CNTNAP2: variants seen among roughly 807,000 people sequenced by gnomAD.
CNTNAP2 encodes the protein contactin associated protein 2.
A neutral mutation model predicts 155.2 loss-of-function variants in CNTNAP2; 98 were observed. The ratio of observed to expected loss-of-function variants is 0.63; its 90% CI spans 0.54 to 0.75. The LOEUF (loss-of-function observed/expected upper bound fraction) is 0.75, where lower values mean the gene tolerates loss of function less well. Ranked by LOEUF, CNTNAP2 falls within the 30% of genes least tolerant of loss-of-function variation. CNTNAP2 has a pLI of 0.00. For synonymous variants in CNTNAP2, 651 were observed against 631.2 expected (o/e 1.03, Z -0.47); for missense variants, 1,727 against 1,688.1 (o/e 1.02, Z -0.40).
chr7:146,502,996 G>C (rs764167067), intron 1 of CNTNAP2, among the ~76,000 whole-genome samples: 1 of 152,264 alleles, frequency 6.6e-6, no homozygotes, highest in East Asian at 1.9e-4. Flanking sequence ...CTATTTGTAT[G>C]TCTTCTTTTG....
At chr7:148,155,463 G>A (rs540561569) in intron 17 of CNTNAP2, among the ~76,000 whole-genome samples, 5 of 152,082 alleles carry the variant, frequency 3.3e-5, no homozygotes, top group Admixed American at 6.5e-5. Flanking sequence ...GTTTTTACAA[G>A]CTGGGATAGG....
chr7:147,036,892 T>A (rs967327957), intron 3 of CNTNAP2, among the ~76,000 whole-genome samples: 4 of 152,174 alleles, frequency 2.6e-5, no homozygotes, highest in Admixed American at 2.6e-4. Flanking sequence ...TAAATGAGTT[T>A]TTAAAAGAGC....
intron 9 of CNTNAP2, among the ~76,000 whole-genome samples, chr7:147,387,457 G>T (rs1231237887): frequency 2.0e-5 from 3 of 152,068 alleles, no homozygotes; most frequent in African/African-American, 2.4e-5. Flanking sequence ...ATCTCATCAG[G>T]TGGCCCCCCA....
intron 13 of CNTNAP2, among the ~76,000 whole-genome samples, chr7:147,879,201 G>C (rs1353426776): frequency 6.6e-6 from 1 of 152,178 alleles, no homozygotes; most frequent in Non-Finnish European, 1.5e-5. Context: ...TTCTTCTCCA[G>C]ACTGAATGTC....
At chr7:147,693,255 T>C (rs898469100) in intron 13 of CNTNAP2, among the ~76,000 whole-genome samples, 3 of 152,148 alleles carry the variant, frequency 2.0e-5, no homozygotes, top group Admixed American at 1.3e-4. Context: ...TTTAGTTTTA[T>C]AGTAAGTTTA....
At chr7:147,527,245 G>C (rs529654482) in intron 11 of CNTNAP2, among the ~76,000 whole-genome samples, 1 of 151,782 alleles carries the variant, frequency 6.6e-6, no homozygotes, top group Non-Finnish European at 1.5e-5. Flanking sequence ...GGATGGTCTC[G>C]ATCTCCTGAC....
intron 18 of CNTNAP2, among the ~76,000 whole-genome samples, chr7:148,198,933 G>A (rs1795323133): frequency 6.6e-6 from 1 of 152,152 alleles, no homozygotes; most frequent in African/African-American, 2.4e-5. Context: ...AACATAGGGA[G>A]GTCATTGGGG....
intron 13 of CNTNAP2, among the ~76,000 whole-genome samples, chr7:147,813,530 A>C (rs1798214952): frequency 6.6e-6 from 1 of 152,194 alleles, no homozygotes; most frequent in Admixed American, 6.5e-5. Context: ...CTGGGCAGAA[A>C]CACAGATCAC....
At chr7:147,012,632 G>A (rs1471659224) in intron 3 of CNTNAP2, among the ~76,000 whole-genome samples, 2 of 152,090 alleles carry the variant, frequency 1.3e-5, no homozygotes, top group African/African-American at 4.8e-5. Flanking sequence ...AAGTTGATCA[G>A]TATGAAACTT....
At position 146,711,927 on chromosome 7, in the gene CNTNAP2, T is replaced by G. The variant is rs1188252017; in HGVS notation, c.98-62344T>G. On this transcript the variant is annotated intron_variant, in intron 1 of 23. Coordinates refer to ENST00000361727, the MANE Select transcript of CNTNAP2 (RefSeq NM_014141.6). ...TATAGTATACACATCTTATGTATAC[T>G]ATATAGTATACACATCTTATGTATA... Among the ~76,000 whole-genome samples, 3 of 70,158 alleles carry G rather than the reference T, an allele frequency of 4.3e-5. No homozygotes were observed. In the East Asian group the frequency reaches 1.1e-3, roughly 26 times the overall value. The allele number at this position is 70,158 out of a possible 152,430, so 46.0% of individuals were successfully genotyped here. A position where few individuals can be genotyped will look rare whatever the true frequency, so the allele number is the denominator to read the frequency against.
intron 3 of CNTNAP2, among the ~76,000 whole-genome samples, chr7:146,863,113 A>C (rs1795137119): frequency 6.6e-6 from 1 of 152,206 alleles, no homozygotes; most frequent in Admixed American, 6.5e-5. Context: ...CCTTTAGATC[A>C]GTAATTATGT....
At chr7:146,500,482 G>A (rs899004232) in intron 1 of CNTNAP2, among the ~76,000 whole-genome samples, 18 of 152,222 alleles carry the variant, frequency 1.2e-4, no homozygotes, top group Middle Eastern at 3.4e-3. Flanking sequence ...GGGGCCTGGA[G>A]TCTCATTGTC....
intron 3 of CNTNAP2, among the ~76,000 whole-genome samples, chr7:146,946,090 C>CT: frequency 6.6e-6 from 1 of 150,578 alleles, no homozygotes; most frequent in African/African-American, 2.4e-5. Flanking sequence ...TCCTTCCTTC[C>CT]TTCCTTTCCT....
At chr7:147,093,802 G>A (rs1332519314) in intron 4 of CNTNAP2, among the ~76,000 whole-genome samples, 1 of 152,126 alleles carries the variant, frequency 6.6e-6, no homozygotes, top group African/African-American at 2.4e-5. Context: ...AGGGCAAACT[G>A]CTCTCCTGCT....
intron 3 of CNTNAP2, among the ~76,000 whole-genome samples, chr7:146,939,346 A>C (rs749703241): frequency 2.0e-5 from 3 of 152,196 alleles, no homozygotes; most frequent in Admixed American, 1.3e-4. Flanking sequence ...ATAACTAGCA[A>C]ATAGAGAATT....
At chr7:147,183,058 G>C (rs1262082642) in intron 8 of CNTNAP2, among the ~76,000 whole-genome samples, 1 of 151,738 alleles carries the variant, frequency 6.6e-6, no homozygotes, top group East Asian at 1.9e-4. Context: ...GTTTATGTTA[G>C]TGTGTCATCT....
chr7:146,850,425 T>C (rs1562972548), intron 3 of CNTNAP2, among the ~76,000 whole-genome samples: 1 of 152,158 alleles, frequency 6.6e-6, no homozygotes, highest in Non-Finnish European at 1.5e-5. Flanking sequence ...AGCAGAGAAA[T>C]TCAGAAAACT....
chr7:147,267,884 T>A (rs950999933), intron 8 of CNTNAP2, among the ~76,000 whole-genome samples: 11 of 152,170 alleles, frequency 7.2e-5, no homozygotes, highest in Admixed American at 7.2e-4. Flanking sequence ...ATTAACCTCA[T>A]GAAGTAGAGT....
intron 1 of CNTNAP2, among the ~76,000 whole-genome samples, chr7:146,376,093 C>A (rs999090802): frequency 2.6e-5 from 4 of 152,174 alleles, no homozygotes; most frequent in African/African-American, 9.7e-5. Flanking sequence ...AGGGTTCCCA[C>A]TCTTTTAGTT....
Sources: gnomAD v4.1 joint callset for allele counts (sites outside exome capture counted in the v4.1 genomes callset) on GRCh38, gnomAD v4.1.1 for gene constraint, MANE v1.5 for transcripts, NCBI Gene and HGNC (gene_info 2026-07-23, HGNC 2026-07-21) for gene names.